The following USP22 variants were observed in gnomAD, a reference collection of about 807,000 sequenced individuals.
USP22 encodes ubiquitin specific peptidase 22, also known as ubiquitin carboxyl-terminal hydrolase 22.
In USP22, 22 loss-of-function variants were observed where a neutral mutation model predicts 68.1. The ratio of observed to expected loss-of-function variants is 0.32; its 90% CI spans 0.23 to 0.46. The LOEUF (loss-of-function observed/expected upper bound fraction) is 0.46. Ranked by LOEUF, USP22 falls within the 20% of genes least tolerant of loss-of-function variation. USP22 has a pLI of 1.00. For synonymous variants in USP22, 279 were observed against 274.2 expected (o/e 1.02, Z -0.17); for missense variants, 433 against 695.8 (o/e 0.62, Z 4.25).
At position 21,004,282 on chromosome 17, in the gene USP22, C is replaced by A; in HGVS notation, c.1455G>T (p.Arg485=). Residue 485 remains arginine (R), a synonymous_variant, in exon 12 of 13, where the codon CGG becomes CGT. Transcript: ENST00000261497. Reference sequence around the variant, plus strand: ...ACTTGAACCACTGGTCTTTGTGCTGCCGGATAAAGCTGGTGTAGTGGCCAC... The same window carrying A: ...ACTTGAACCACTGGTCTTTGTGCTGACGGATAAAGCTGGTGTAGTGGCCAC... ...LESGHYTSFI[R]QHKDQWFKCD... is the part of the protein sequence containing the mutation. 1.2e-6 allele frequency: 2 copies of A among 1,614,146 alleles called. No individual in the cohort carries two copies. Among genetic ancestry groups the A allele is most frequent in the South Asian group, 1.1e-5 (1 of 91,082 alleles).
In USP22 at chr17:21,004,660, G is replaced by A. The variant is rs371628583; in HGVS notation, c.1385+268C>T. On this transcript the variant is annotated intron_variant, in intron 11 of 12. Transcript: ENST00000261497. ...TCTACAACCCCAAGGCAAGAAGAATGAACACCGAGCTTTCCAGATGGAACC... is the reference window on the plus strand; with the variant it reads ...TCTACAACCCCAAGGCAAGAAGAATAAACACCGAGCTTTCCAGATGGAACC... 1.2e-3 allele frequency among the ~76,000 whole-genome samples: 186 copies of A among 152,344 alleles called. 6 individuals carry two copies. In the South Asian group the frequency reaches 0.037, roughly 30 times the overall value.
In USP22 at chr17:21,002,782, C is replaced by A; in HGVS notation, c.*249G>T. 2.1e-6 allele frequency: 1 copy of A among 479,692 alleles called. No homozygotes were observed. The highest frequency in any genetic ancestry group is 3.9e-6 in the Non-Finnish European group (1 of 259,010). 29.7% of individuals were successfully genotyped at this position (479,692 alleles called of 1,614,324 possible). ...GAGATGTTCTGGTGACGGGTGTACG[C>A]TGCTCCTCCCACCCAGAGCACACCC... On this transcript the variant is annotated 3_prime_UTR_variant, in exon 13 of 13. Coordinates refer to ENST00000261497, the MANE Select transcript of USP22 (RefSeq NM_015276.2).
At chr17:21,022,202 C>T (rs1233401686) in intron 2 of USP22, among the ~76,000 whole-genome samples, 1 of 152,152 alleles carries the variant, frequency 6.6e-6, no homozygotes, top group African/African-American at 2.4e-5. Flanking sequence ...TTTTCTAAAA[C>T]AGTCACAAGA....
chr17:21,005,056 G>A (rs371514455), intron 10 of USP22, 66 bp from the exon 11 acceptor site: 164 of 1,569,390 alleles, frequency 1.0e-4, no homozygotes, highest in Middle Eastern at 8.4e-4. Context: ...CAAGGCTCTC[G>A]TGAAACCAAC....
chr17:21,004,752 C>G (rs905256420), intron 11 of USP22, among the ~76,000 whole-genome samples, 176 bp downstream of exon 11: 2 of 151,506 alleles, frequency 1.3e-5, no homozygotes, highest in African/African-American at 4.8e-5. Context: ...TGTGGCACCA[C>G]GTGGAGCGGC....
chr17:21,005,979 C>T (rs1251888134), intron 10 of USP22, among the ~76,000 whole-genome samples: 1 of 152,140 alleles, frequency 6.6e-6, no homozygotes, highest in Non-Finnish European at 1.5e-5. Flanking sequence ...CCATGTGACC[C>T]GGAAGCCAGG....
intron 2 of USP22, among the ~76,000 whole-genome samples, chr17:21,026,746 C>T (rs994069550): frequency 5.9e-5 from 9 of 151,866 alleles, no homozygotes; most frequent in African/African-American, 2.2e-4. Flanking sequence ...CGAAGGATCG[C>T]TTGAGCCCAG....
At chr17:21,013,626 A>T (rs550833829) in intron 6 of USP22, among the ~76,000 whole-genome samples, 1 of 152,334 alleles carries the variant, frequency 6.6e-6, no homozygotes, top group South Asian at 2.1e-4. Context: ...CAGTTCAAAG[A>T]CGTTGAATCA....
Position 21,000,549 on chromosome 17 carries a change from A to G in USP22, c.*2482T>C, listed in dbSNP as rs1263990173. 6.6e-6 allele frequency: 1 copy of G among 152,270 alleles called. No homozygotes were observed. The highest frequency in any genetic ancestry group is 2.4e-5 in the African/African-American group (1 of 41,456). The allele number at this position is 152,270 out of a possible 1,614,324, so 9.4% of individuals were successfully genotyped here. ...AGAACAGCAGCCACCCCTGAATGCA[A>G]GTGGAGACAGGAAGGGGACTAGGGG... On this transcript the variant is annotated 3_prime_UTR_variant, in exon 13 of 13. Transcript: ENST00000261497.
chr17:21,009,799 A>G (rs1414707919), intron 8 of USP22, among the ~76,000 whole-genome samples: 1 of 152,086 alleles, frequency 6.6e-6, no homozygotes, highest in Admixed American at 6.5e-5. Context: ...TACTAAAAAT[A>G]CAAAAGTTAG....
At chr17:21,004,168 C>G (rs773660801) in intron 12 of USP22, 34 bp downstream of exon 12, 7 of 1,609,020 alleles carry the variant, frequency 4.4e-6, no homozygotes, top group Non-Finnish European at 5.9e-6. Context: ...ACCGTAGCCA[C>G]CGTAGGGCCT....
chr17:21,020,518 G>A (rs550006403), intron 3 of USP22, among the ~76,000 whole-genome samples: 1 of 152,254 alleles, frequency 6.6e-6, no homozygotes, highest in East Asian at 1.9e-4. Context: ...CATCTGGTGG[G>A]TCTAGTTTCC....
chr17:21,022,471 G>GA (rs35640128), intron 2 of USP22, among the ~76,000 whole-genome samples: 1 of 152,140 alleles, frequency 6.6e-6, no homozygotes, highest in African/African-American at 2.4e-5. Flanking sequence ...CTGAGTGCCT[G>GA]AAAAAAGGTA....
At chr17:21,035,088 C>T (rs569902197) in intron 1 of USP22, among the ~76,000 whole-genome samples, 1 of 152,154 alleles carries the variant, frequency 6.6e-6, no homozygotes, top group African/African-American at 2.4e-5. Context: ...CAAACTGGGG[C>T]AAAATCCTCC....
chr17:21,041,121 G>T (rs1972424296), intron 1 of USP22, among the ~76,000 whole-genome samples: 1 of 151,776 alleles, frequency 6.6e-6, no homozygotes, highest in Non-Finnish European at 1.5e-5. Context: ...CTGACCTCGT[G>T]ATCTGCCCCC....
intron 8 of USP22, 151 bp downstream of exon 8, chr17:21,011,000 T>G: frequency 9.1e-7 from 1 of 1,098,658 alleles, no homozygotes; most frequent in Non-Finnish European, 1.2e-6. Flanking sequence ...AAGGACAAAC[T>G]AGCACAAGAG....
chr17:21,003,121 A>G (rs768997374), intron 12 of USP22, 48 bp from the exon 13 acceptor site: 1 of 1,609,610 alleles, frequency 6.2e-7, no homozygotes, highest in Non-Finnish European at 8.5e-7. Flanking sequence ...CTCCTAAGAC[A>G]GGAGCCAGAA....
At chr17:21,022,089 G>T (rs906529955) in intron 2 of USP22, among the ~76,000 whole-genome samples, 3 of 151,954 alleles carry the variant, frequency 2.0e-5, no homozygotes, top group Non-Finnish European at 2.9e-5. Context: ...AACAGAGTGA[G>T]ACTCTGTCTC....
At chr17:21,033,021 G>C (rs1333010394) in intron 1 of USP22, among the ~76,000 whole-genome samples, 1 of 149,888 alleles carries the variant, frequency 6.7e-6, no homozygotes, top group Admixed American at 6.6e-5. Flanking sequence ...CACATTTGCA[G>C]ACGATGCGGT....
Sources: gnomAD v4.1 joint callset for allele counts (sites outside exome capture counted in the v4.1 genomes callset) on GRCh38, gnomAD v4.1.1 for gene constraint, MANE v1.5 for transcripts, NCBI Gene and HGNC (gene_info 2026-07-23, HGNC 2026-07-21) for gene names.